ADAM12: variants seen among roughly 807,000 people sequenced by gnomAD.
ADAM12 encodes the protein disintegrin and metalloproteinase domain-containing protein 12.
Under a neutral mutation model 106.4 loss-of-function variants are expected in ADAM12, and 70 were observed. That is an observed-to-expected ratio of 0.66 (90% CI 0.54 to 0.80). The LOEUF is 0.80. Among genes scored for constraint, ADAM12 ranks in the 30% least tolerant of loss-of-function variants. The pLI is 0.00. For synonymous variants in ADAM12, 420 were observed against 433.5 expected (o/e 0.97, Z 0.39); for missense variants, 1,010 against 1,171.9 (o/e 0.86, Z 2.02).
intron 2 of ADAM12, among the ~76,000 whole-genome samples, chr10:126,323,792 G>T (rs1338848947): frequency 1.3e-5 from 2 of 152,220 alleles, no homozygotes; most frequent in Non-Finnish European, 2.9e-5. Flanking sequence ...TGGCACCTGA[G>T]GCACAGTCCA....
intron 4 of ADAM12, among the ~76,000 whole-genome samples, chr10:126,137,323 T>A (rs1312189671): frequency 6.6e-6 from 1 of 152,210 alleles, no homozygotes; most frequent in Admixed American, 6.5e-5. Context: ...ACTGTTCCAA[T>A]GACTATTGCT....
chr10:126,289,959 G>A, intron 2 of ADAM12, among the ~76,000 whole-genome samples: 1 of 152,230 alleles, frequency 6.6e-6, no homozygotes, highest in East Asian at 1.9e-4. Flanking sequence ...CTTGGCAAAA[G>A]GGACTGTGAA....
chr10:126,205,480 A>G (rs147339077), intron 3 of ADAM12, among the ~76,000 whole-genome samples: 1 of 152,334 alleles, frequency 6.6e-6, no homozygotes, highest in East Asian at 1.9e-4. Flanking sequence ...AAAATGAAAA[A>G]TCTCCCAAAT....
At chr10:126,086,704 T>TATATATATATATATATAAAA (rs752355130) in intron 11 of ADAM12, among the ~76,000 whole-genome samples, 1 of 64,194 alleles carries the variant, frequency 1.6e-5, no homozygotes, top group African/African-American at 5.7e-5. Context: ...TATATATATA[T>TATATATATATATATATAAAA]ATAAAATAAA....
intron 3 of ADAM12, among the ~76,000 whole-genome samples, chr10:126,276,386 A>T (rs2133748177): frequency 6.6e-6 from 1 of 152,338 alleles, no homozygotes; most frequent in East Asian, 1.9e-4. Flanking sequence ...ATTCTATTAT[A>T]TACTAAATGA....
intron 7 of ADAM12, 42 bp downstream of exon 7, chr10:126,109,733 A>T (rs867150016): frequency 3.8e-6 from 6 of 1,569,738 alleles, no homozygotes; most frequent in Non-Finnish European, 5.2e-6. Flanking sequence ...TTTTTCTTTT[A>T]TCTCTAACCA....
intron 1 of ADAM12, among the ~76,000 whole-genome samples, chr10:126,342,856 C>G (rs1259485583): frequency 6.6e-6 from 1 of 151,600 alleles, no homozygotes; most frequent in Non-Finnish European, 1.5e-5. Flanking sequence ...GGCGTCTGAT[C>G]ACACAGTGTA....
chr10:126,285,736 G>A (rs1959825243), intron 2 of ADAM12, among the ~76,000 whole-genome samples: 1 of 152,170 alleles, frequency 6.6e-6, no homozygotes, highest in Admixed American at 6.5e-5. Flanking sequence ...CAGGAGGCAA[G>A]TGCCTTCCTC....
chr10:126,027,160 C>G (rs1272605830), intron 21 of ADAM12, among the ~76,000 whole-genome samples: 2 of 152,086 alleles, frequency 1.3e-5, no homozygotes, highest in African/African-American at 2.4e-5. Flanking sequence ...CATACAGTCT[C>G]TGAGACTGAA....
Position 126,066,934 on chromosome 10 carries a change from A to G in ADAM12, c.1324-128T>C. ...AGAGGGCCCAGCTCCTGAACTGCAC[A>G]CCTGCCTGTTTCCGTCTGTTAGGAA... is the stretch of plus-strand genomic sequence containing the variant. On this transcript the variant is annotated intron_variant, in intron 12 of 22. Coordinates refer to ENST00000448723, the MANE Select transcript of ADAM12 (RefSeq NM_001288973.2). The surrounding 1 kb of genome is among the most constrained non-coding windows in gnomAD (Gnocchi z 5.1). 2.4e-6 allele frequency: 2 copies of G among 831,798 alleles called. No homozygotes were observed. The highest frequency in any genetic ancestry group is 5.4e-5 in the East Asian group (2 of 36,866). 51.5% of individuals were successfully genotyped at this position (831,798 alleles called of 1,614,324 possible).
rs534854486 is a variant in ADAM12, at chr10:126,267,856, G to A, written c.260+11059C>T. ...GGTGGATTTAGAAGAAACTATCACC[G>A]TCTTCCTCTACACTATGTACCTTCA... is the stretch of plus-strand genomic sequence containing the variant. On this transcript the variant is annotated intron_variant, in intron 3 of 22. Transcript: ENST00000448723. Among the ~76,000 whole-genome samples, 21 of 152,174 alleles carry A rather than the reference G, an allele frequency of 1.4e-4. No individual in the cohort carries two copies. The South Asian group carries it at 2.5e-3, about 18-fold the overall frequency.
chr10:126,225,574 G>A (rs1203040218), intron 3 of ADAM12, among the ~76,000 whole-genome samples: 1 of 152,204 alleles, frequency 6.6e-6, no homozygotes, highest in Non-Finnish European at 1.5e-5. Flanking sequence ...GTGTGTTCAT[G>A]CTTCACACGT....
intron 5 of ADAM12, among the ~76,000 whole-genome samples, chr10:126,122,489 C>T (rs987849313): frequency 2.0e-5 from 3 of 152,236 alleles, no homozygotes; most frequent in African/African-American, 7.2e-5. Context: ...AGGCAGGGTG[C>T]GGTGGCTCAC....
chr10:126,125,408 C>G (rs1009292179), intron 5 of ADAM12, among the ~76,000 whole-genome samples: 3 of 151,982 alleles, frequency 2.0e-5, no homozygotes, highest in African/African-American at 4.8e-5. Flanking sequence ...CCACACCCAG[C>G]TAGCTTTTGT....
At chr10:126,132,589 T>C (rs1366395179) in intron 5 of ADAM12, among the ~76,000 whole-genome samples, 7 of 145,582 alleles carry the variant, frequency 4.8e-5, no homozygotes, top group Admixed American at 2.1e-4. Flanking sequence ...TGATGCTCAC[T>C]AGAGGTGGGC....
intron 2 of ADAM12, among the ~76,000 whole-genome samples, chr10:126,315,593 T>C (rs1853833343): frequency 6.6e-6 from 1 of 152,094 alleles, no homozygotes; most frequent in South Asian, 2.1e-4. Flanking sequence ...GCGTTTCCCA[T>C]GGCAGCTGCA....
chr10:126,223,164 G>A (rs904526421), intron 3 of ADAM12, among the ~76,000 whole-genome samples: 1 of 152,090 alleles, frequency 6.6e-6, no homozygotes, highest in Non-Finnish European at 1.5e-5. Flanking sequence ...TACAATTTGG[G>A]GGAAGACTTT....
chr10:126,340,013 C>G (rs112343263), intron 1 of ADAM12, among the ~76,000 whole-genome samples: 6,285 of 152,112 alleles, frequency 0.041, 405 homozygotes, highest in African/African-American at 0.14. Flanking sequence ...TACCACCACA[C>G]CTAGTGAATT....
chr10:126,216,289 C>G (rs1232979089), intron 3 of ADAM12, among the ~76,000 whole-genome samples: 1 of 152,196 alleles, frequency 6.6e-6, no homozygotes, highest in Non-Finnish European at 1.5e-5. Flanking sequence ...GATAAAACTT[C>G]GCCCTAGCCA....
Sources: gnomAD v4.1 joint callset for allele counts (sites outside exome capture counted in the v4.1 genomes callset) on GRCh38, gnomAD v4.1.1 for gene constraint, Gnocchi (gnomAD v3.1) non-coding constraint, MANE v1.5 for transcripts, NCBI Gene and HGNC (gene_info 2026-07-23, HGNC 2026-07-21) for gene names.